RBM46: variants seen among roughly 807,000 people sequenced by gnomAD.
RBM46 encodes probable RNA-binding protein 46.
Under a neutral mutation model 43.3 loss-of-function variants are expected in RBM46, and 12 were observed. That is an observed-to-expected ratio of 0.28 (90% CI 0.18 to 0.45). The LOEUF (loss-of-function observed/expected upper bound fraction) is 0.45. RBM46 is among the 20% of genes least tolerant of loss of function. The pLI, the probability that RBM46 is intolerant of heterozygous loss-of-function variation, is 1.00. For missense variants in RBM46, 412 were observed against 639.1 expected, an observed-to-expected ratio of 0.64 and a Z score of 3.83; for synonymous variants, 205 against 207.6, an observed-to-expected ratio of 0.99 and a Z score of 0.11.
At chr4:154,783,858 A>G (rs1168394596) in intron 1 of RBM46, among the ~76,000 whole-genome samples, 1 of 152,238 alleles carries the variant, frequency 6.6e-6, no homozygotes, top group Non-Finnish European at 1.5e-5. Flanking sequence ...ATCCATCTGT[A>G]CACTTATTTC....
chr4:154,811,180 T>C (rs931374184), intron 4 of RBM46, among the ~76,000 whole-genome samples: 6 of 152,100 alleles, frequency 3.9e-5, no homozygotes, highest in Non-Finnish European at 7.4e-5. Flanking sequence ...TAAACTGGTA[T>C]TGGGGTCAGG....
At chr4:154,787,802 A>C (rs1002975710) in intron 1 of RBM46, among the ~76,000 whole-genome samples, 13 of 152,224 alleles carry the variant, frequency 8.5e-5, no homozygotes, top group Non-Finnish European at 1.9e-4. Flanking sequence ...TTCCACCAAC[A>C]GTGTAAAAGT....
intron 1 of RBM46, among the ~76,000 whole-genome samples, chr4:154,791,372 T>G (rs1250804746): frequency 6.6e-6 from 1 of 152,124 alleles, no homozygotes; most frequent in Non-Finnish European, 1.5e-5. Context: ...TAACTGGTAA[T>G]GAGGTCAGGT....
At chr4:154,813,157 C>A (rs1322119382) in intron 4 of RBM46, among the ~76,000 whole-genome samples, 1 of 151,978 alleles carries the variant, frequency 6.6e-6, no homozygotes, top group Non-Finnish European at 1.5e-5. Flanking sequence ...AGGAAAGATA[C>A]ATTTCGGCTG....
At chr4:154,820,508 A>T (rs1735674117) in intron 4 of RBM46, 2 of 667,082 alleles carry the variant, frequency 3.0e-6, no homozygotes, top group East Asian at 6.1e-5. Context: ...TGTTCTTTAT[A>T]ATGAAAAGAA....
chr4:154,793,367 A>G (rs1466122938), intron 1 of RBM46, among the ~76,000 whole-genome samples: 1 of 152,214 alleles, frequency 6.6e-6, no homozygotes, highest in Non-Finnish European at 1.5e-5. Flanking sequence ...TTATATCTGT[A>G]GGTTAAATTT....
intron 4 of RBM46, among the ~76,000 whole-genome samples, chr4:154,819,045 T>A (rs1735601072): frequency 6.6e-6 from 1 of 152,188 alleles, no homozygotes; most frequent in Non-Finnish European, 1.5e-5. Flanking sequence ...GTCTGCTGTT[T>A]CTGTTGGTTT....
At chr4:154,788,501 G>A (rs192952901) in intron 1 of RBM46, among the ~76,000 whole-genome samples, 4 of 152,250 alleles carry the variant, frequency 2.6e-5, no homozygotes, top group African/African-American at 9.6e-5. Flanking sequence ...GGTTGTAGAT[G>A]TGTGGTATTA....
At chr4:154,809,326 C>A (rs1333244956) in intron 4 of RBM46, among the ~76,000 whole-genome samples, 1 of 151,952 alleles carries the variant, frequency 6.6e-6, no homozygotes, top group Non-Finnish European at 1.5e-5. Context: ...TTGATGATAT[C>A]AGATGCTCTC....
Position 154,798,887 on chromosome 4 carries a change from A to G in RBM46, c.725A>G (p.Asn242Ser), listed in dbSNP as rs1335974857. Residue 242 changes from asparagine to serine, a missense_variant, in exon 4 of 5, where the codon AAT becomes AGT. Asn to Ser is a conservative substitution (Grantham distance 46). Around this residue, in one of 8 missense-constraint regions of RBM46, gnomAD observed 54 missense variants for 102.5 expected, o/e 0.53. Coordinates refer to ENST00000281722, the MANE Select transcript of RBM46 (RefSeq NM_144979.5). Reference sequence around the variant, plus strand: ...AGAGTTAAAGTTCTTTATGTAAGAAATTTAATGATCTCAACTACAGAGGAA... The same window carrying G: ...AGAGTTAAAGTTCTTTATGTAAGAAGTTTAATGATCTCAACTACAGAGGAA... ...MQRVKVLYVR[N>S]LMISTTEETI... 5 of 1,611,196 alleles carry G rather than the reference A, an allele frequency of 3.1e-6. No homozygotes were observed. Among genetic ancestry groups the G allele is most frequent in the Non-Finnish European group, 3.4e-6 (4 of 1,178,542 alleles).
At position 154,827,920 on chromosome 4, in the gene RBM46, C is replaced by T; in HGVS notation, c.1455C>T (p.Thr485=). ...ATAGTCTTTCCCCTGTTAGTGCTAC[C>T]CTCTCTTCTGGGACTCCCAGCGTGC... ...SINSLSPVSA[T]LSSGTPSVLP... The change falls in exon 5 of 5, where the codon ACC becomes ACT. Residue 485 remains threonine, a synonymous_variant. Transcript: ENST00000281722. The T allele has an allele frequency of 6.2e-7, 1 of 1,613,892 alleles. No homozygotes were observed. The highest frequency in any genetic ancestry group is 1.7e-4 in the Middle Eastern group (1 of 6,060).
chr4:154,817,331 C>CTTTTT (rs58860836), intron 4 of RBM46, among the ~76,000 whole-genome samples: 10 of 126,396 alleles, frequency 7.9e-5, no homozygotes, highest in Non-Finnish European at 1.5e-4. Flanking sequence ...TTTTCTCTTT[C>CTTTTT]TTTTTTTTTT....
intron 4 of RBM46, among the ~76,000 whole-genome samples, chr4:154,824,721 C>T (rs1221190586): frequency 6.6e-6 from 1 of 151,828 alleles, no homozygotes; most frequent in Non-Finnish European, 1.5e-5. Flanking sequence ...CTTTTTGTAA[C>T]TAATTTTTTA....
At chr4:154,826,043 A>G (rs917437729) in intron 4 of RBM46, among the ~76,000 whole-genome samples, 7 of 152,158 alleles carry the variant, frequency 4.6e-5, no homozygotes, top group African/African-American at 1.7e-4. Context: ...TTTCAGAAGG[A>G]AAGAATCAGA....
intron 1 of RBM46, among the ~76,000 whole-genome samples, chr4:154,785,953 C>G (rs1733742242): frequency 6.6e-6 from 1 of 152,118 alleles, no homozygotes; most frequent in Non-Finnish European, 1.5e-5. Context: ...GGTTTAATGG[C>G]AAAACCTAGA....
chr4:154,791,423 A>G (rs1560892399), intron 1 of RBM46, among the ~76,000 whole-genome samples: 1 of 152,184 alleles, frequency 6.6e-6, no homozygotes, highest in East Asian at 1.9e-4. Context: ...TTGAGAGGCC[A>G]AGGCGGTGGA....
Position 154,828,543 on chromosome 4 carries a change from A to G in RBM46, c.*476A>G, listed in dbSNP as rs1249139780. Reference sequence around the variant, plus strand: ...TTATGTAAAAAGAAATGATGAGACAAAAAGATTAAGATACAAATTTTGTGC... The same window carrying G: ...TTATGTAAAAAGAAATGATGAGACAGAAAGATTAAGATACAAATTTTGTGC... On this transcript the variant is annotated 3_prime_UTR_variant, in exon 5 of 5. Transcript: ENST00000281722. The G allele has an allele frequency of 1.3e-5, 2 of 153,824 alleles. No individual in the cohort carries two copies. The highest frequency in any genetic ancestry group is 2.9e-5 in the Non-Finnish European group (2 of 68,940). 9.5% of individuals were successfully genotyped at this position (153,824 alleles called of 1,614,324 possible).
intron 4 of RBM46, among the ~76,000 whole-genome samples, chr4:154,823,829 T>C (rs1414119671): frequency 6.6e-6 from 1 of 152,004 alleles, no homozygotes; most frequent in Non-Finnish European, 1.5e-5. Context: ...TCTCTACTCT[T>C]GCTCCTGTGT....
In RBM46 at chr4:154,827,847, T is replaced by G. The variant is rs191979658; in HGVS notation, c.1403-21T>G. The G allele has an allele frequency of 1.9e-6, 3 of 1,612,594 alleles. No individual in the cohort carries two copies. In the African/African-American group the frequency reaches 4.0e-5, roughly 21 times the overall value. On this transcript the variant is annotated intron_variant, in intron 4 of 4. Coordinates refer to ENST00000281722, the MANE Select transcript of RBM46 (RefSeq NM_144979.5). ...TGTCCATAAAGATGTACAGCATAAT[T>G]GTTCATGTATTTATTTACAGACTAC... is the stretch of plus-strand genomic sequence containing the variant.
Sources: gnomAD v4.1 joint callset for allele counts (sites outside exome capture counted in the v4.1 genomes callset) on GRCh38, gnomAD v4.1.1 for gene constraint, gnomAD v4.1.1 regional missense constraint, MANE v1.5 for transcripts, NCBI Gene and HGNC (gene_info 2026-07-23, HGNC 2026-07-21) for gene names.